The following PCDHA13 variants were observed in gnomAD, a reference collection of about 807,000 sequenced individuals.
PCDHA13 encodes the protein protocadherin alpha-13.
A neutral mutation model predicts 64.8 loss-of-function variants in PCDHA13; 54 were observed. The observed-to-expected ratio is 0.83, with a 90% confidence interval of 0.67 to 1.04. The LOEUF is 1.04. PCDHA13 is among the 50% of genes least tolerant of loss of function. PCDHA13 has a pLI of 0.00. For synonymous variants in PCDHA13, 587 were observed against 564.4 expected, an observed-to-expected ratio of 1.04 and a Z score of -0.57; for missense variants, 1,248 against 1,254.3, an observed-to-expected ratio of 0.99 and a Z score of 0.08.
At chr5:140,985,740 T>TG (rs1554247304) in intron 3 of PCDHA13, among the ~76,000 whole-genome samples, 2 of 53,688 alleles carry the variant, frequency 3.7e-5, no homozygotes, top group Admixed American at 1.9e-4. Flanking sequence ...GATGAATTCC[T>TG]TTTTTTTTTT....
intron 3 of PCDHA13, among the ~76,000 whole-genome samples, chr5:140,983,034 C>G (rs923296416): frequency 2.6e-5 from 4 of 151,944 alleles, no homozygotes; most frequent in Non-Finnish European, 5.9e-5. Context: ...GATGGTTTCT[C>G]ATGGAAGTGG....
intron 3 of PCDHA13, among the ~76,000 whole-genome samples, chr5:140,992,706 G>T (rs1554253120): frequency 1.3e-5 from 2 of 152,138 alleles, no homozygotes; most frequent in Admixed American, 1.3e-4. Context: ...TAATGTTCCT[G>T]CCAGTATTCG....
At chr5:140,902,558 T>G (rs2069554536) in intron 1 of PCDHA13, among the ~76,000 whole-genome samples, 2 of 152,242 alleles carry the variant, frequency 1.3e-5, no homozygotes, top group South Asian at 4.1e-4. Context: ...ACCCAGATTT[T>G]TGAGGGTTTT....
chr5:140,922,883 T>G (rs963654982), intron 1 of PCDHA13, among the ~76,000 whole-genome samples: 2 of 152,134 alleles, frequency 1.3e-5, no homozygotes, highest in African/African-American at 2.4e-5. Flanking sequence ...TCCAAAGACA[T>G]CATTCAAGAA....
At position 140,883,514 on chromosome 5, in the gene PCDHA13, G is replaced by A; in HGVS notation, c.1246G>A (p.Glu416Lys). 6.2e-7 allele frequency: 1 copy of A among 1,614,220 alleles called. No homozygotes were observed. Among genetic ancestry groups the A allele is most frequent in the Non-Finnish European group, 8.5e-7 (1 of 1,180,048 alleles). Residue 416 changes from glutamate to lysine, a missense_variant, in exon 1 of 4, where the codon GAG (glutamate) becomes AAG (lysine). By Grantham distance (56) the Glu-to-Lys change is moderately conservative. Transcript: ENST00000289272. ...AGTGCTGGACAGCGCCCTGGACCGC[G>A]AGAGCGTATCAGCCTATGAACTGGT... is the stretch of plus-strand genomic sequence containing the variant. ...SLVLDSALDR[E>K]SVSAYELVVT...
At chr5:140,901,282 T>A (rs555723354) in intron 1 of PCDHA13, among the ~76,000 whole-genome samples, 44 of 152,318 alleles carry the variant, frequency 2.9e-4, no homozygotes, top group African/African-American at 1.0e-3. Context: ...CAAGAAATTT[T>A]TGCCCAGACT....
At chr5:140,957,189 G>A (rs1376112973) in intron 1 of PCDHA13, among the ~76,000 whole-genome samples, 1 of 152,056 alleles carries the variant, frequency 6.6e-6, no homozygotes. Context: ...ATTGATGACC[G>A]ATTGGGAATA....
chr5:140,882,198 G>A lies in PCDHA13; in HGVS notation c.-71G>A, dbSNP rs964999330. ...CCGCACTAGGAAGCCATAAAAATTG[G>A]GCCTTGAGAGACAGTTTGAGGTAAG... On this transcript the variant is annotated 5_prime_UTR_variant, in exon 1 of 4. Coordinates refer to ENST00000289272, the MANE Select transcript of PCDHA13 (RefSeq NM_018904.3). The A allele has an allele frequency of 8.5e-6, 13 of 1,525,466 alleles. 1 individual carries two copies. In the East Asian group the frequency reaches 2.5e-4, roughly 29 times the overall value. The allele number at this position is 1,525,466 out of a possible 1,614,324, so 94.5% of individuals were successfully genotyped here.
At chr5:140,925,641 T>TATAATAATAATAATA (rs10569930) in intron 1 of PCDHA13, among the ~76,000 whole-genome samples, 21 of 143,352 alleles carry the variant, frequency 1.5e-4, no homozygotes, top group East Asian at 6.1e-4. Context: ...GAACTTAAAG[T>TATAATAATAATAATA]ATAATAATAA....
intron 3 of PCDHA13, among the ~76,000 whole-genome samples, chr5:141,009,142 G>T (rs1374390797): frequency 2.0e-5 from 3 of 152,204 alleles, no homozygotes; most frequent in Non-Finnish European, 4.4e-5. Context: ...GAAAAAACCT[G>T]CCCTCTTGCT....
chr5:140,955,647 T>G (rs1395732517), intron 1 of PCDHA13, among the ~76,000 whole-genome samples: 1 of 152,116 alleles, frequency 6.6e-6, no homozygotes, highest in Non-Finnish European at 1.5e-5. Context: ...AACAAATTAA[T>G]ACACATATGA....
rs199814121 is a variant in PCDHA13, at chr5:140,884,467, G to T, written c.2199G>T (p.Ala733=). 3.9e-5 allele frequency: 63 copies of T among 1,613,778 alleles called. No individual in the cohort carries two copies. In the East Asian group the frequency reaches 1.3e-3, roughly 33 times the overall value. ...CSAPPTEGAC[A]PGKPTLVCSS... is the part of the protein sequence containing the mutation. The stretch of plus-strand genomic sequence containing the variant: ...CACCGCCCACCGAGGGCGCGTGCGC[G>T]CCGGGCAAGCCCACTCTAGTGTGCT... The change falls in exon 1 of 4, where the codon GCG becomes GCT. Residue 733 remains alanine (A), a synonymous_variant. Transcript: ENST00000289272.
chr5:140,883,719 C>T lies in PCDHA13; in HGVS notation c.1451C>T (p.Ala484Val). Residue 484 changes from alanine (A) to valine (V), a missense_variant, in exon 1 of 4, where the codon GCA (alanine) becomes GTA (valine). Coordinates refer to ENST00000289272, the MANE Select transcript of PCDHA13 (RefSeq NM_018904.3). ...IFTVSAQDAD[A>V]QENALVSYSL... ...ACGGTGTCTGCTCAGGACGCGGACG[C>T]ACAGGAGAACGCGCTGGTCTCCTAC... 1 of 1,613,598 alleles carries T rather than the reference C, an allele frequency of 6.2e-7. No homozygotes were observed. The highest frequency in any genetic ancestry group is 8.5e-7 in the Non-Finnish European group (1 of 1,179,850).
intron 1 of PCDHA13, among the ~76,000 whole-genome samples, chr5:140,937,317 G>A (rs1282380622): frequency 1.3e-5 from 2 of 152,048 alleles, no homozygotes; most frequent in Non-Finnish European, 2.9e-5. Context: ...GATTACAGGC[G>A]TGAGCCACCG....
intron 3 of PCDHA13, among the ~76,000 whole-genome samples, chr5:140,983,623 GA>G (rs1554245569): frequency 6.6e-6 from 1 of 152,202 alleles, no homozygotes; most frequent in African/African-American, 2.4e-5. Flanking sequence ...GAGAGATTAA[GA>G]AATGTACCCA....
rs529382424 is a variant in PCDHA13 at position 140,924,810 on chromosome 5, G to A, written c.2394+40148G>A. 4.8e-4 allele frequency among the ~76,000 whole-genome samples: 73 copies of A among 151,660 alleles called. No homozygotes were observed. The South Asian group carries it at 9.2e-3, about 19-fold the overall frequency. ...CTTAGGAGGCTGAGGCAAGAGAATC[G>A]CTTGAACCTGGGAGGGGGAGGTTGC... On this transcript the variant is annotated intron_variant, in intron 1 of 3. Transcript: ENST00000289272.
intron 1 of PCDHA13, among the ~76,000 whole-genome samples, chr5:140,886,289 T>C (rs115070123): frequency 0.081 from 12,299 of 152,020 alleles, 542 homozygotes; most frequent in Middle Eastern, 0.13. Context: ...ATTATTTTTA[T>C]ATTTATTTAT....
intron 1 of PCDHA13, chr5:140,927,419 G>T (rs781883331): frequency 1.9e-6 from 3 of 1,614,140 alleles, no homozygotes; most frequent in South Asian, 2.2e-5. Flanking sequence ...ATGGGATCGC[G>T]GGTTGACGGC....
intron 1 of PCDHA13, among the ~76,000 whole-genome samples, chr5:140,909,682 A>G (rs1172515528): frequency 1.3e-5 from 2 of 152,132 alleles, no homozygotes; most frequent in Non-Finnish European, 2.9e-5. Flanking sequence ...CAGGGAGCCA[A>G]TGTGGGGGTT....
Sources: allele counts gnomAD v4.1 joint callset (sites outside exome capture counted in the v4.1 genomes callset), GRCh38; gene constraint gnomAD v4.1.1; transcripts MANE v1.5; gene names NCBI Gene and HGNC (gene_info 2026-07-23, HGNC 2026-07-21).